Variants in RAD51B observed in about 807,000 individuals in gnomAD.
RAD51B encodes the protein RAD51 paralog B, also known as DNA repair protein RAD51 homolog 2.
RAD51B carries 38 observed loss-of-function variants against 42.2 expected under a neutral mutation model. That is an observed-to-expected ratio of 0.90 (90% CI 0.70 to 1.18). RAD51B has a LOEUF of 1.18. RAD51B is among the 50% of genes most tolerant of loss of function. The pLI is 0.00. For synonymous variants in RAD51B, 154 were observed against 145.2 expected (o/e 1.06, Z -0.43); for missense variants, 373 against 400.7 (o/e 0.93, Z 0.59).
intron 10 of RAD51B, among the ~76,000 whole-genome samples, chr14:68,572,938 G>A (rs752368951): frequency 7.2e-5 from 11 of 152,222 alleles, no homozygotes; most frequent in East Asian, 1.9e-4. Context: ...CCCATCTTAC[G>A]CGTGAGGAGA....
intron 7 of RAD51B, among the ~76,000 whole-genome samples, chr14:68,091,848 T>G (rs1259678660): frequency 6.6e-6 from 1 of 152,202 alleles, no homozygotes; most frequent in African/African-American, 2.4e-5. Context: ...CATGTAAGTC[T>G]TTAATCCATC....
chr14:67,905,363 G>C (rs1271035307), intron 7 of RAD51B, among the ~76,000 whole-genome samples: 1 of 152,010 alleles, frequency 6.6e-6, no homozygotes, highest in Non-Finnish European at 1.5e-5. Flanking sequence ...GATGCTTCTG[G>C]CTGTGTTATA....
At chr14:68,521,596 A>G (rs1594938949) in intron 10 of RAD51B, among the ~76,000 whole-genome samples, 1 of 152,354 alleles carries the variant, frequency 6.6e-6, no homozygotes, top group South Asian at 2.1e-4. Context: ...GTAAAGAAGC[A>G]AAACTAAATG....
chr14:68,435,264 T>G (rs2085117442), intron 9 of RAD51B, among the ~76,000 whole-genome samples: 1 of 152,142 alleles, frequency 6.6e-6, no homozygotes, highest in African/African-American at 2.4e-5. Context: ...CACTTATAAG[T>G]GAGAACATGC....
At chr14:68,341,331 A>C (rs1310139094) in intron 8 of RAD51B, among the ~76,000 whole-genome samples, 1 of 152,194 alleles carries the variant, frequency 6.6e-6, no homozygotes, top group South Asian at 2.1e-4. Flanking sequence ...TTATGGAATC[A>C]TTGGCAATTC....
intron 9 of RAD51B, among the ~76,000 whole-genome samples, chr14:68,414,052 G>A (rs956988977): frequency 6.6e-6 from 1 of 152,090 alleles, no homozygotes; most frequent in Non-Finnish European, 1.5e-5. Flanking sequence ...GCTCTTGAAT[G>A]TGAGGCTTAG....
intron 7 of RAD51B, among the ~76,000 whole-genome samples, chr14:68,060,108 A>G (rs759393339): frequency 1.2e-4 from 19 of 152,184 alleles, no homozygotes; most frequent in Non-Finnish European, 2.1e-4. Flanking sequence ...CTATGATTAT[A>G]TAAAAACCCG....
intron 10 of RAD51B, among the ~76,000 whole-genome samples, chr14:68,476,480 G>A (rs988297726): frequency 3.3e-5 from 5 of 152,194 alleles, no homozygotes; most frequent in South Asian, 2.1e-4. Flanking sequence ...GAATTTCACC[G>A]ATGAAGTGTA....
chr14:68,316,143 A>G (rs757114806), intron 8 of RAD51B, among the ~76,000 whole-genome samples: 51 of 152,364 alleles, frequency 3.3e-4, no homozygotes, highest in Admixed American at 5.9e-4. Context: ...AATGGGTTAC[A>G]AGAAAGAATA....
intron 7 of RAD51B, among the ~76,000 whole-genome samples, chr14:67,963,866 TA>T (rs2074716417): frequency 1.3e-5 from 2 of 151,978 alleles, no homozygotes; most frequent in South Asian, 2.1e-4. Flanking sequence ...TTCATGTGTT[TA>T]AAAAAAATCG....
intron 7 of RAD51B, among the ~76,000 whole-genome samples, chr14:67,921,469 C>G (rs1311860348): frequency 1.3e-5 from 2 of 152,034 alleles, no homozygotes; most frequent in Admixed American, 6.6e-5. Flanking sequence ...ATTTTTCCCT[C>G]AAATGTTCTA....
At chr14:67,872,650 A>G (rs1024186890) in intron 5 of RAD51B, among the ~76,000 whole-genome samples, 11 of 152,002 alleles carry the variant, frequency 7.2e-5, no homozygotes, top group African/African-American at 2.4e-4. Context: ...GAGCCAAAAG[A>G]ACAAGGCTGG....
chr14:68,629,057 C>T (rs1030076038), intron 10 of RAD51B, among the ~76,000 whole-genome samples: 1 of 152,204 alleles, frequency 6.6e-6, no homozygotes, highest in Non-Finnish European at 1.5e-5. Context: ...AAGGCCATCA[C>T]CCCTGGCTTC....
intron 7 of RAD51B, among the ~76,000 whole-genome samples, chr14:68,269,077 C>T (rs1474080645): frequency 6.6e-6 from 1 of 152,276 alleles, no homozygotes. Context: ...ACTCAGTGGC[C>T]TGAAGAAGAA....
intron 4 of RAD51B, among the ~76,000 whole-genome samples, chr14:67,848,503 A>G (rs1300855905): frequency 6.6e-6 from 1 of 152,118 alleles, no homozygotes; most frequent in Non-Finnish European, 1.5e-5. Context: ...TCTTGAAGAC[A>G]GCAGATGGTT....
At chr14:68,270,714 A>G (rs1483573110) in intron 7 of RAD51B, among the ~76,000 whole-genome samples, 3 of 152,164 alleles carry the variant, frequency 2.0e-5, no homozygotes, top group African/African-American at 7.2e-5. Flanking sequence ...TTGATAGGTA[A>G]AATATTTAGC....
intron 1 of RAD51B, among the ~76,000 whole-genome samples, chr14:67,821,340 A>T (rs1170119362): frequency 1.3e-5 from 2 of 152,230 alleles, no homozygotes; most frequent in African/African-American, 4.8e-5. Context: ...AAATGAATGG[A>T]GTGGCCAGAA....
intron 10 of RAD51B, among the ~76,000 whole-genome samples, chr14:68,619,937 T>C (rs1274975525): frequency 2.0e-5 from 3 of 152,218 alleles, no homozygotes; most frequent in African/African-American, 7.2e-5. Flanking sequence ...ATGTTTTTCC[T>C]AGACTTTCAC....
At chr14:68,222,389 A>C (rs2079947343) in intron 7 of RAD51B, among the ~76,000 whole-genome samples, 1 of 152,202 alleles carries the variant, frequency 6.6e-6, no homozygotes, top group Admixed American at 6.5e-5. Context: ...ACCTCGATGA[A>C]ATTGGAGACT....
Sources: gnomAD v4.1 joint callset for allele counts (sites outside exome capture counted in the v4.1 genomes callset) on GRCh38, gnomAD v4.1.1 for gene constraint, MANE v1.5 for transcripts, NCBI Gene and HGNC (gene_info 2026-07-23, HGNC 2026-07-21) for gene names.